COMMD10: variants seen among roughly 807,000 people sequenced by gnomAD.
COMMD10 encodes the protein COMM domain containing 10.
COMMD10 carries 33 observed loss-of-function variants against 28.9 expected under a neutral mutation model. That is an observed-to-expected ratio of 1.14 (90% CI 0.87 to 1.53). The LOEUF is 1.53. COMMD10 is among the 40% of genes most tolerant of loss of function. The probability of loss-of-function intolerance (pLI) is 0.00; values close to 1 mark genes in which losing one functional copy is unlikely to be tolerated. For missense variants in COMMD10, 310 were observed against 233.4 expected (o/e 1.33, Z -2.14); for synonymous variants, 110 against 81.7 (o/e 1.35, Z -1.87).
Position 116,293,162 on chromosome 5 carries a change from A to G in COMMD10, c.*673A>G, listed in dbSNP as rs1751417623. On this transcript the variant is annotated 3_prime_UTR_variant, in exon 7 of 7. Transcript: ENST00000274458. The stretch of plus-strand genomic sequence containing the variant: ...TTCACTTTATAGTTTGGGAGACAGA[A>G]TCAGGTCTTGAATAAAATAATTGTA... 2.5e-6 allele frequency: 1 copy of G among 392,426 alleles called. No homozygotes were observed. The highest frequency in any genetic ancestry group is 4.5e-6 in the Non-Finnish European group (1 of 222,112). 24.3% of individuals were successfully genotyped at this position (392,426 alleles called of 1,614,324 possible). A position where few individuals can be genotyped will look rare whatever the true frequency, so the allele number is the denominator to read the frequency against.
chr5:116,103,179 A>G (rs1054315555), intron 4 of COMMD10, among the ~76,000 whole-genome samples: 2 of 152,216 alleles, frequency 1.3e-5, no homozygotes, highest in Admixed American at 6.5e-5. Context: ...CTTTGGGTAT[A>G]TACCCAGTAA....
intron 5 of COMMD10, among the ~76,000 whole-genome samples, chr5:116,254,547 C>A (rs544277093): frequency 1.3e-5 from 2 of 150,948 alleles, no homozygotes; most frequent in Non-Finnish European, 2.9e-5. Context: ...GCCTTCATTT[C>A]GTTATGTACC....
rs374451142 is a variant in COMMD10 at position 116,130,632 on chromosome 5, C to G, written c.400-3436C>G. On this transcript the variant is annotated intron_variant, in intron 4 of 6. Coordinates refer to ENST00000274458, the MANE Select transcript of COMMD10 (RefSeq NM_016144.4). ...CGTTTTTCTGAGACAAGTTTCTATA[C>G]TTTTCATTCAGTTATCAAATAGTCT... is the stretch of plus-strand genomic sequence containing the variant. 9.2e-5 allele frequency among the ~76,000 whole-genome samples: 14 copies of G among 152,066 alleles called. No individual in the cohort carries two copies. In the East Asian group the frequency reaches 1.9e-3, roughly 21 times the overall value.
At chr5:116,243,403 A>G (rs923370734) in intron 5 of COMMD10, among the ~76,000 whole-genome samples, 1 of 152,174 alleles carries the variant, frequency 6.6e-6, no homozygotes, top group African/African-American at 2.4e-5. Context: ...ATCACCCCAG[A>G]AGTGAAAATT....
At chr5:116,275,584 C>A (rs369731716) in intron 5 of COMMD10, among the ~76,000 whole-genome samples, 5 of 151,900 alleles carry the variant, frequency 3.3e-5, no homozygotes, top group African/African-American at 7.3e-5. Context: ...GTAACCCCAA[C>A]ACCCTAGCGT....
intron 5 of COMMD10, among the ~76,000 whole-genome samples, chr5:116,278,675 A>C (rs1472517679): frequency 6.6e-6 from 1 of 151,894 alleles, no homozygotes; most frequent in Non-Finnish European, 1.5e-5. Flanking sequence ...TTTCTGGTCA[A>C]AGACAGTTTG....
At position 116,242,754 on chromosome 5, in the gene COMMD10, G is replaced by C. The variant is rs187593695; in HGVS notation, c.511-48763G>C. ...TGAGCTTTTCAGGTAAGATTTTAGAGGGGAGAGGGTTCTGTAGCATTAAAT... is the reference window on the plus strand; with the variant it reads ...TGAGCTTTTCAGGTAAGATTTTAGACGGGAGAGGGTTCTGTAGCATTAAAT... On this transcript the variant is annotated intron_variant, in intron 5 of 6. Transcript: ENST00000274458. Among the ~76,000 whole-genome samples, 30 of 152,298 alleles carry C rather than the reference G, an allele frequency of 2.0e-4. No homozygotes were observed. In the East Asian group the frequency reaches 5.0e-3, roughly 25 times the overall value.
chr5:116,292,520 T>C lies in COMMD10; in HGVS notation c.*31T>C. On this transcript the variant is annotated 3_prime_UTR_variant, in exon 7 of 7. Coordinates refer to ENST00000274458, the MANE Select transcript of COMMD10 (RefSeq NM_016144.4). ...TCGAAGACTGTTTTTTTCATCACGC[T>C]CCTGCCACCTCATTATTTTGCATTG... The C allele has an allele frequency of 1.3e-6, 2 of 1,559,430 alleles. No individual in the cohort carries two copies. The highest frequency in any genetic ancestry group is 8.7e-7 in the Non-Finnish European group (1 of 1,147,546).
At chr5:116,198,435 T>C (rs977472099) in intron 5 of COMMD10, among the ~76,000 whole-genome samples, 2 of 152,176 alleles carry the variant, frequency 1.3e-5, no homozygotes, top group Admixed American at 1.3e-4. Flanking sequence ...CCCCCGTATA[T>C]TCCCTTCCCC....
At chr5:116,277,249 G>T (rs964935251) in intron 5 of COMMD10, among the ~76,000 whole-genome samples, 1 of 151,638 alleles carries the variant, frequency 6.6e-6, no homozygotes, top group African/African-American at 2.4e-5. Flanking sequence ...GATATACTAA[G>T]GATTATAGAA....
In COMMD10 at chr5:116,264,669, C is replaced by A. The variant is rs115989137; in HGVS notation, c.511-26848C>A. Among the ~76,000 whole-genome samples the A allele has an allele frequency of 3.0e-3, 453 of 151,900 alleles. 17 individuals are homozygous for A. The highest frequency in any genetic ancestry group is 0.011 in the African/African-American group (436 of 41,296). On this transcript the variant is annotated intron_variant, in intron 5 of 6. Coordinates refer to ENST00000274458, the MANE Select transcript of COMMD10 (RefSeq NM_016144.4). The stretch of plus-strand genomic sequence containing the variant: ...GTGACTGTTAGGTCTGAGCACTGCC[C>A]CATATTGCTAATTTCTCACATTGCT...
chr5:116,173,719 T>C (rs915252629), intron 5 of COMMD10, among the ~76,000 whole-genome samples: 17 of 152,116 alleles, frequency 1.1e-4, no homozygotes, highest in African/African-American at 4.1e-4. Flanking sequence ...CTGCTCTAGA[T>C]GCGTTGTAGA....
chr5:116,157,646 G>C (rs888069162), intron 5 of COMMD10, among the ~76,000 whole-genome samples: 1 of 152,290 alleles, frequency 6.6e-6, no homozygotes, highest in African/African-American at 2.4e-5. Flanking sequence ...GAATAGGGAA[G>C]TAGATTCTAA....
At chr5:116,243,458 AG>A (rs1278933766) in intron 5 of COMMD10, among the ~76,000 whole-genome samples, 18 of 152,182 alleles carry the variant, frequency 1.2e-4, no homozygotes, top group Admixed American at 5.2e-4. Context: ...GAAAACAGTT[AG>A]AAATTATAAA....
At chr5:116,163,723 C>A (rs962240819) in intron 5 of COMMD10, among the ~76,000 whole-genome samples, 3 of 152,076 alleles carry the variant, frequency 2.0e-5, no homozygotes, top group African/African-American at 7.2e-5. Context: ...AGAGATTATT[C>A]TTTTATTATA....
At chr5:116,187,377 G>A (rs1748175307) in intron 5 of COMMD10, among the ~76,000 whole-genome samples, 1 of 152,164 alleles carries the variant, frequency 6.6e-6, no homozygotes, top group Admixed American at 6.6e-5. Flanking sequence ...AATTGTATAT[G>A]CATTTAAATA....
At chr5:116,172,487 C>T (rs1306146724) in intron 5 of COMMD10, among the ~76,000 whole-genome samples, 3 of 152,164 alleles carry the variant, frequency 2.0e-5, no homozygotes, top group Non-Finnish European at 4.4e-5. Context: ...ATCATAGGAG[C>T]TCCCTGAAAT....
At chr5:116,091,442 G>T (rs1397128644) in intron 3 of COMMD10, among the ~76,000 whole-genome samples, 1 of 152,050 alleles carries the variant, frequency 6.6e-6, no homozygotes, top group Non-Finnish European at 1.5e-5. Flanking sequence ...ATGGAAAAAT[G>T]GACATATTTT....
At chr5:116,281,510 G>T (rs1026088358) in intron 5 of COMMD10, among the ~76,000 whole-genome samples, 3 of 151,624 alleles carry the variant, frequency 2.0e-5, no homozygotes, top group Non-Finnish European at 2.9e-5. Flanking sequence ...TAGATTAGGT[G>T]CAGAAAGTCC....
Sources: allele counts gnomAD v4.1 joint callset (sites outside exome capture counted in the v4.1 genomes callset), GRCh38; gene constraint gnomAD v4.1.1; transcripts MANE v1.5; gene names NCBI Gene and HGNC (gene_info 2026-07-23, HGNC 2026-07-21).